The following PPP1R8 variants were observed in gnomAD, a reference collection of about 807,000 sequenced individuals.
The protein encoded by PPP1R8 is nuclear inhibitor of protein phosphatase 1.
Under a neutral mutation model 31.3 loss-of-function variants are expected in PPP1R8, and 4 were observed. The observed-to-expected ratio is 0.13, with a 90% CI of 0.06 to 0.29. PPP1R8 has a LOEUF of 0.29. PPP1R8 is among the 10% of genes least tolerant of loss of function. The pLI is 1.00. For synonymous variants in PPP1R8, 170 were observed against 169.7 expected (o/e 1.00, Z -0.01); for missense variants, 254 against 440.1 (o/e 0.58, Z 3.78).
chr1:27,835,870 A>G (rs2148615076), intron 2 of PPP1R8, among the ~76,000 whole-genome samples: 1 of 152,350 alleles, frequency 6.6e-6, no homozygotes, highest in South Asian at 2.1e-4. Context: ...GGAAGAGAAT[A>G]GTATTACCCA....
intron 3 of PPP1R8, among the ~76,000 whole-genome samples, chr1:27,839,372 AC>A (rs1341350223): frequency 6.6e-6 from 1 of 152,126 alleles, no homozygotes; most frequent in Non-Finnish European, 1.5e-5. Context: ...TACCAAAAAT[AC>A]AAAAATTAGC....
intron 3 of PPP1R8, among the ~76,000 whole-genome samples, chr1:27,839,529 A>G (rs955012126): frequency 2.6e-5 from 4 of 152,144 alleles, no homozygotes; most frequent in South Asian, 2.1e-4. Context: ...TTCTGTCTCA[A>G]AAAAATAAAG....
chr1:27,849,456 C>T (rs549747876), intron 6 of PPP1R8, among the ~76,000 whole-genome samples: 18 of 151,576 alleles, frequency 1.2e-4, no homozygotes, highest in African/African-American at 3.9e-4. Context: ...ATATCTATTG[C>T]CATCTTTTAT....
At chr1:27,837,643 C>T (rs188117886) in intron 2 of PPP1R8, among the ~76,000 whole-genome samples, 3 of 151,208 alleles carry the variant, frequency 2.0e-5, no homozygotes, top group Admixed American at 6.6e-5. Context: ...GGCGTGGTGG[C>T]GGGCGCCTGT....
At chr1:27,849,346 G>A (rs948523287) in intron 6 of PPP1R8, among the ~76,000 whole-genome samples, 3 of 147,656 alleles carry the variant, frequency 2.0e-5, no homozygotes, top group Non-Finnish European at 4.4e-5. Context: ...ACTCCAGCCT[G>A]GGCAACAAGA....
chr1:27,835,958 A>T (rs904236209), intron 2 of PPP1R8, among the ~76,000 whole-genome samples: 3 of 152,240 alleles, frequency 2.0e-5, no homozygotes, highest in Non-Finnish European at 4.4e-5. Flanking sequence ...AGCGCCTAGC[A>T]GTTGTTACTG....
chr1:27,834,464 G>A (rs1316136460), intron 2 of PPP1R8: 1 of 519,146 alleles, frequency 1.9e-6, no homozygotes, highest in Non-Finnish European at 3.8e-6. Context: ...GTGATGTGTT[G>A]TGATAGCTGG....
intron 2 of PPP1R8, among the ~76,000 whole-genome samples, chr1:27,836,092 C>T (rs967480022): frequency 1.4e-4 from 22 of 152,278 alleles, no homozygotes; most frequent in Middle Eastern, 3.4e-3. Context: ...GATTCCCAGC[C>T]GGGTACTAAC....
intron 6 of PPP1R8, among the ~76,000 whole-genome samples, chr1:27,847,629 G>A (rs2089298440): frequency 6.6e-6 from 1 of 152,150 alleles, no homozygotes; most frequent in Non-Finnish European, 1.5e-5. Context: ...TAACTGGGAG[G>A]TTGAGGTGGG....
chr1:27,831,844 A>T (rs1243723598), intron 1 of PPP1R8, among the ~76,000 whole-genome samples: 1 of 152,198 alleles, frequency 6.6e-6, no homozygotes, highest in East Asian at 1.9e-4. Flanking sequence ...CTAGACAAGG[A>T]TACGTTTTTT....
chr1:27,847,053 A>G lies in PPP1R8; in HGVS notation c.663A>G (p.Arg221=), dbSNP rs1368941567. Residue 221 remains arginine (R), a synonymous_variant, in exon 6 of 7, where the codon CGA becomes CGG. Coordinates refer to ENST00000311772, the MANE Select transcript of PPP1R8 (RefSeq NM_014110.5). ...AGGATGTGGATCCCTCAGTTGGTCGATTCAGGAACATGGTGCAAACTGCAG... is the reference window on the plus strand; with the variant it reads ...AGGATGTGGATCCCTCAGTTGGTCGGTTCAGGAACATGGTGCAAACTGCAG... ...NPEDVDPSVG[R]FRNMVQTAVV... The G allele has an allele frequency of 1.9e-6, 3 of 1,614,016 alleles. No homozygotes were observed. In the African/African-American group the frequency reaches 4.0e-5, roughly 22 times the overall value.
intron 5 of PPP1R8, among the ~76,000 whole-genome samples, chr1:27,843,953 A>G (rs952769389): frequency 1.3e-5 from 2 of 152,212 alleles, no homozygotes; most frequent in African/African-American, 4.8e-5. Flanking sequence ...ACTGTCTCCA[A>G]AAAAGAGTTT....
At chr1:27,831,142 G>T in intron 1 of PPP1R8, 2 of 1,275,918 alleles carry the variant, frequency 1.6e-6, no homozygotes, top group South Asian at 2.2e-5. Context: ...CCCTTTGAGC[G>T]ATTAGCCAGT....
chr1:27,850,682 C>T lies in PPP1R8; in HGVS notation c.*236C>T. On this transcript the variant is annotated 3_prime_UTR_variant, in exon 7 of 7. Transcript: ENST00000311772. ...GGCTTCTTATATCCTTTTCAATAGACTGCCCTGGCTCTTTCCTAGGCCTTC... is the reference window on the plus strand; with the variant it reads ...GGCTTCTTATATCCTTTTCAATAGATTGCCCTGGCTCTTTCCTAGGCCTTC... 1 of 454,726 alleles carries T rather than the reference C, an allele frequency of 2.2e-6. No homozygotes were observed. Among genetic ancestry groups the T allele is most frequent in the Non-Finnish European group, 3.9e-6 (1 of 254,818 alleles). The allele number at this position is 454,726 out of a possible 1,614,324, so 28.2% of individuals were successfully genotyped here.
intron 5 of PPP1R8, 125 bp downstream of exon 5, chr1:27,843,455 A>G: frequency 2.6e-6 from 3 of 1,165,118 alleles, no homozygotes; most frequent in South Asian, 2.6e-5. Flanking sequence ...TCAAGAGTTC[A>G]AGACTAGCCT....
rs1292448399 is a variant in PPP1R8 at position 27,843,265 on chromosome 1, G to C, written c.572G>C (p.Arg191Thr). The change falls in exon 5 of 7, where the codon AGA becomes ACA. Residue 191 changes from arginine (R) to threonine (T), a missense_variant. Physicochemically the swap from Arg to Thr is moderately conservative, Grantham distance 71 (BLOSUM62 -1). Around this residue, in one of 6 missense-constraint regions of PPP1R8, gnomAD observed 29 missense variants for 99.2 expected, o/e 0.29. Transcript: ENST00000311772. ...TIEEGNLDIQ[R>T]PKRKRKNSRV... ...GAGGAGGGAAATCTGGACATTCAAA[G>C]ACCAAAGAGGAAGAGGAAGAACTCA... 1 of 1,614,168 alleles carries C rather than the reference G, an allele frequency of 6.2e-7. No homozygotes were observed. Among genetic ancestry groups the C allele is most frequent in the Non-Finnish European group, 8.5e-7 (1 of 1,180,026 alleles).
chr1:27,843,096 C>A lies in PPP1R8; in HGVS notation c.493-90C>A, dbSNP rs528941642. ...CCTTTGGAGGTCAAGATTAGCCCCT[C>A]ATGCCTTCCTCACCTTTATTTAGTA... On this transcript the variant is annotated intron_variant, in intron 4 of 6. Transcript: ENST00000311772. The A allele has an allele frequency of 4.6e-6, 7 of 1,506,334 alleles. No individual in the cohort carries two copies. The African/African-American group carries it at 6.9e-5, about 15-fold the overall frequency. 93.3% of individuals were successfully genotyped at this position (1,506,334 alleles called of 1,614,324 possible). A position where few individuals can be genotyped will look rare whatever the true frequency, so the allele number is the denominator to read the frequency against.
At position 27,851,327 on chromosome 1, in the gene PPP1R8, T is replaced by C. The variant is rs1279926277; in HGVS notation, c.*881T>C. 3.2e-6 allele frequency: 1 copy of C among 312,216 alleles called. No homozygotes were observed. The highest frequency in any genetic ancestry group is 7.8e-5 in the East Asian group (1 of 12,762). The allele number at this position is 312,216 out of a possible 1,614,324, so 19.3% of individuals were successfully genotyped here. A position where few individuals can be genotyped will look rare whatever the true frequency, so the allele number is the denominator to read the frequency against. On this transcript the variant is annotated 3_prime_UTR_variant, in exon 7 of 7. Transcript: ENST00000311772. ...TTTTAGATGTCAGTTTGGAGGCTCT[T>C]TCCCCCCTCAATTGAGAGCTCTTGT...
chr1:27,834,328 C>G, intron 2 of PPP1R8: 1 of 457,316 alleles, frequency 2.2e-6, no homozygotes, highest in African/African-American at 2.0e-5. Context: ...TGTCAAGTTA[C>G]AATCCTTAGA....
Sources: gnomAD v4.1 joint callset for allele counts (sites outside exome capture counted in the v4.1 genomes callset) on GRCh38, gnomAD v4.1.1 for gene constraint, gnomAD v4.1.1 regional missense constraint, MANE v1.5 for transcripts, NCBI Gene and HGNC (gene_info 2026-07-23, HGNC 2026-07-21) for gene names.